Variants in CENPF observed in about 807,000 individuals in gnomAD.
The protein encoded by CENPF is AH antigen.
CENPF carries 214 observed loss-of-function variants against 307.3 expected under a neutral mutation model. The ratio of observed to expected loss-of-function variants is 0.70; its 90% CI spans 0.62 to 0.78. The LOEUF (loss-of-function observed/expected upper bound fraction) is 0.78, where lower values mean the gene tolerates loss of function less well. Ranked by LOEUF, CENPF falls within the 30% of genes least tolerant of loss-of-function variation. CENPF has a pLI of 0.00. For missense variants in CENPF, 3,401 were observed against 3,483.9 expected (o/e 0.98, Z 0.60); for synonymous variants, 1,259 against 1,270.6 (o/e 0.99, Z 0.19).
Position 214,651,476 on chromosome 1 carries a change from G to A in CENPF, c.7984-234G>A, listed in dbSNP as rs151336786. 5.4e-4 allele frequency among the ~76,000 whole-genome samples: 82 copies of A among 152,264 alleles called. 1 individual carries two copies. Among genetic ancestry groups the A allele is most frequent in the African/African-American group, 1.7e-3 (69 of 41,548 alleles). ...AATTCAAGGTTTCAGAGTTTCTGTG[G>A]TCTCTGGATATGACCTTGCGAGGTG... On this transcript the variant is annotated intron_variant, in intron 14 of 19. Coordinates refer to ENST00000366955, the MANE Select transcript of CENPF (RefSeq NM_016343.4).
intron 16 of CENPF, chr1:214,654,024 A>G (rs1658560444): frequency 6.6e-6 from 1 of 152,234 alleles, no homozygotes; most frequent in Non-Finnish European, 1.5e-5. Context: ...TCTAACATTT[A>G]CTTGCAACAT....
chr1:214,609,025 C>G (rs1025061723), intron 1 of CENPF, among the ~76,000 whole-genome samples: 63 of 151,834 alleles, frequency 4.1e-4, no homozygotes, highest in Non-Finnish European at 7.4e-4. Context: ...CGGTCCAAGC[C>G]GAGCCCCAGG....
rs1415906024 is a variant in CENPF, at chr1:214,641,520, C to G, written c.3182C>G (p.Thr1061Ser). The change falls in exon 12 of 20, where the codon ACT becomes AGT. Residue 1061 changes from threonine (T) to serine (S), a missense_variant. Transcript: ENST00000366955. ...SKLECLLNEC[T>S]SLCENRKNEL... ...TTAGAATGCTTGCTAAATGAATGCA[C>G]TAGTCTTTGTGAAAATAGGAAAAAT... 1 of 1,520,076 alleles carries G rather than the reference C, an allele frequency of 6.6e-7. No homozygotes were observed. The highest frequency in any genetic ancestry group is 8.8e-7 in the Non-Finnish European group (1 of 1,139,844). The allele number at this position is 1,520,076 out of a possible 1,614,324, so 94.2% of individuals were successfully genotyped here. A position where few individuals can be genotyped will look rare whatever the true frequency, so the allele number is the denominator to read the frequency against.
chr1:214,628,281 G>A (rs1657708936), intron 7 of CENPF, among the ~76,000 whole-genome samples: 1 of 152,118 alleles, frequency 6.6e-6, no homozygotes, highest in African/African-American at 2.4e-5. Context: ...AGTAGAAAAG[G>A]ATTCTTGATT....
chr1:214,630,814 C>A (rs1657788128), intron 9 of CENPF, 152 bp downstream of exon 9: 4 of 1,021,522 alleles, frequency 3.9e-6, no homozygotes, highest in African/African-American at 1.6e-5. Flanking sequence ...CAGAACCATT[C>A]TGGCTCTAGG....
In CENPF at chr1:214,657,321, G is replaced by T. The variant is rs1658665643; in HGVS notation, c.8874G>T (p.Lys2958Asn). 6.2e-7 allele frequency: 1 copy of T among 1,613,834 alleles called. No individual in the cohort carries two copies. The highest frequency in any genetic ancestry group is 1.3e-5 in the African/African-American group (1 of 74,932). Residue 2958 changes from lysine (K) to asparagine (N), a missense_variant, in exon 18 of 20, where the codon AAG (lysine) becomes AAT (asparagine). Transcript: ENST00000366955. The stretch of plus-strand genomic sequence containing the variant: ...CAGAGAGCTTTTCTAAAAAAAGCAA[G>T]AAAGCAGTCATGAGTGGTATTCACC... ...ATPESFSKKS[K>N]KAVMSGIHPA... is the part of the protein sequence containing the mutation.
At position 214,642,527 on chromosome 1, in the gene CENPF, G is replaced by C; in HGVS notation, c.4189G>C (p.Asp1397His). The change falls in exon 12 of 20, where the codon GAC (aspartate) becomes CAC (histidine). Residue 1397 changes from aspartate (D) to histidine (H), a missense_variant. Physicochemically the swap from Asp to His is moderately conservative, Grantham distance 81. Coordinates refer to ENST00000366955, the MANE Select transcript of CENPF (RefSeq NM_016343.4). ...TTCCTACGAGCACTTGACATTGTCA[G>C]ACAAAGAAGTTCAAATGCACTTTGC... is the stretch of plus-strand genomic sequence containing the variant. ...SNSYEHLTLSDKEVQMHFAEL... is the reference protein window; with the variant it reads ...SNSYEHLTLSHKEVQMHFAEL... 6.2e-7 allele frequency: 1 copy of C among 1,612,162 alleles called. No individual in the cohort carries two copies. Among genetic ancestry groups the C allele is most frequent in the Non-Finnish European group, 8.5e-7 (1 of 1,179,184 alleles).
rs774018551 is a variant in CENPF, at chr1:214,642,268, G to T, written c.3930G>T (p.Leu1310=). The T allele has an allele frequency of 6.2e-7, 1 of 1,613,818 alleles. No individual in the cohort carries two copies. The highest frequency in any genetic ancestry group is 1.7e-5 in the Admixed American group (1 of 59,962). Residue 1310 remains leucine, a synonymous_variant, in exon 12 of 20, where the codon CTG becomes CTT. Transcript: ENST00000366955. The part of the protein sequence containing the change: ...LNELEKICEI[L]QAEKYELVTE... ...AGCTAGAGAAAATATGTGAAATACT[G>T]CAGGCTGAAAAGTATGAACTCGTAA...
chr1:214,642,175 G>C lies in CENPF; in HGVS notation c.3837G>C (p.Leu1279Phe). 6.2e-7 allele frequency: 1 copy of C among 1,614,154 alleles called. No individual in the cohort carries two copies. Among genetic ancestry groups the C allele is most frequent in the Non-Finnish European group, 8.5e-7 (1 of 1,180,016 alleles). Residue 1279 changes from leucine to phenylalanine, a missense_variant, in exon 12 of 20, where the codon TTG (leucine) becomes TTC (phenylalanine). Transcript: ENST00000366955. ...EEKYISGPHE[L>F]STSQNDNAHL... ...AGTATATTTCAGGGCCTCATGAGTT[G>C]TCAACAAGTCAAAACGACAATGCAC...
chr1:214,605,721 C>T, intron 1 of CENPF: 1 of 1,593,770 alleles, frequency 6.3e-7, no homozygotes, highest in Non-Finnish European at 8.5e-7. Flanking sequence ...CGACGCAGGC[C>T]CTCCAGGTAC....
rs1658073567 is a variant in CENPF, at chr1:214,640,277, T to G, written c.1939T>G (p.Leu647Val). The G allele has an allele frequency of 6.2e-7, 1 of 1,613,808 alleles. No homozygotes were observed. Among genetic ancestry groups the G allele is most frequent in the African/African-American group, 1.3e-5 (1 of 74,894 alleles). Reference protein sequence around the residue: ...KENLQSKINHLETCLKTQQIK... With the variant: ...KENLQSKINHVETCLKTQQIK... The stretch of plus-strand genomic sequence containing the variant: ...AAACTTGCAGAGTAAAATTAATCAC[T>G]TGGAAACTTGTCTGAAGACACAGCA... The change falls in exon 12 of 20, where the codon TTG becomes GTG. Residue 647 changes from leucine to valine, a missense_variant. Physicochemically the swap from Leu to Val is conservative, Grantham distance 32. Coordinates refer to ENST00000366955, the MANE Select transcript of CENPF (RefSeq NM_016343.4).
At chr1:214,636,998 A>G (rs1657982196) in intron 10 of CENPF, among the ~76,000 whole-genome samples, 1 of 152,202 alleles carries the variant, frequency 6.6e-6, no homozygotes, top group South Asian at 2.1e-4. Context: ...GCATGTAAAT[A>G]TTGCTTGCTT....
At chr1:214,625,587 T>C (rs1033154437) in intron 7 of CENPF, among the ~76,000 whole-genome samples, 1 of 152,232 alleles carries the variant, frequency 6.6e-6, no homozygotes, top group Non-Finnish European at 1.5e-5. Flanking sequence ...TGATATATTG[T>C]GACCTAAGTC....
chr1:214,624,260 GT>G (rs781160965), intron 7 of CENPF, among the ~76,000 whole-genome samples: 92 of 151,852 alleles, frequency 6.1e-4, no homozygotes, highest in Non-Finnish European at 1.0e-3. Flanking sequence ...TGCCATCTTT[GT>G]TTGATATTTG....
In CENPF at chr1:214,640,149, TAAAAA is replaced by T. The variant is rs772008691; in HGVS notation, c.1813_1817del (p.Lys605GlufsTer4). ...AAAGCCTTGCTGAGTGCTTTAGAGTTAAAAAAGAAAGAATATGAAGAATTGAAAGA... is the reference window on the plus strand; with the variant it reads ...AAAGCCTTGCTGAGTGCTTTAGAGTTAGAAAGAATATGAAGAATTGAAAGA... On this transcript the variant is annotated frameshift_variant, in exon 12 of 20. Coordinates refer to ENST00000366955, the MANE Select transcript of CENPF (RefSeq NM_016343.4). LOFTEE classifies it high-confidence loss of function. 6.3e-7 allele frequency: 1 copy of T among 1,584,848 alleles called. No homozygotes were observed. Among genetic ancestry groups the T allele is most frequent in the Non-Finnish European group, 8.5e-7 (1 of 1,172,684 alleles).
intron 12 of CENPF, 96 bp from the exon 13 acceptor site, chr1:214,644,461 C>A: frequency 8.8e-7 from 1 of 1,133,806 alleles, no homozygotes; most frequent in Non-Finnish European, 1.2e-6. Context: ...TTAGCAGAGG[C>A]CACGCATCAG....
rs1404628747 is a variant in CENPF, at chr1:214,641,212, G to A, written c.2874G>A (p.Met958Ile). The A allele has an allele frequency of 1.9e-6, 3 of 1,609,006 alleles. No homozygotes were observed. Among genetic ancestry groups the A allele is most frequent in the Non-Finnish European group, 2.5e-6 (3 of 1,178,710 alleles). The change falls in exon 12 of 20, where the codon ATG (methionine) becomes ATA (isoleucine). Residue 958 changes from methionine (M) to isoleucine (I), a missense_variant. Coordinates refer to ENST00000366955, the MANE Select transcript of CENPF (RefSeq NM_016343.4). ...SETLSLEKKE[M>I]SSIISLNKRE... ...CCCTAAGCTTGGAGAAGAAAGAAAT[G>A]AGTTCCATCATTTCTCTAAATAAAA...
Position 214,630,598 on chromosome 1 carries a change from G to A in CENPF, c.1259G>A (p.Arg420Lys). Residue 420 changes from arginine (R) to lysine (K), a missense_variant, in exon 9 of 20, where the codon AGA becomes AAA. Coordinates refer to ENST00000366955, the MANE Select transcript of CENPF (RefSeq NM_016343.4). ...LDQECIQMKA[R>K]LTQELQQAKN... The stretch of plus-strand genomic sequence containing the variant: ...CAGGAGTGCATCCAGATGAAGGCCA[G>A]ACTCACCCAGGAGTTACAGCAAGCC... 6.2e-7 allele frequency: 1 copy of A among 1,614,162 alleles called. No homozygotes were observed. The highest frequency in any genetic ancestry group is 1.1e-5 in the South Asian group (1 of 91,082).
At chr1:214,607,234 G>A (rs1307456219) in intron 1 of CENPF, among the ~76,000 whole-genome samples, 2 of 152,236 alleles carry the variant, frequency 1.3e-5, no homozygotes, top group African/African-American at 4.8e-5. Context: ...CAAACGAACA[G>A]GACACATCCC....
Sources: allele counts gnomAD v4.1 joint callset (sites outside exome capture counted in the v4.1 genomes callset), GRCh38; gene constraint gnomAD v4.1.1; transcripts MANE v1.5; gene names NCBI Gene and HGNC (gene_info 2026-07-23, HGNC 2026-07-21).